Variants in L3MBTL4 observed in about 807,000 individuals in gnomAD.
L3MBTL4 encodes lethal(3)malignant brain tumor-like protein 4.
A neutral mutation model predicts 84.5 loss-of-function variants in L3MBTL4; 70 were observed. The ratio of observed to expected loss-of-function variants is 0.83; its 90% CI spans 0.68 to 1.01. The LOEUF (loss-of-function observed/expected upper bound fraction) is 1.01. L3MBTL4 is among the 50% of genes least tolerant of loss of function. The pLI is 0.00. For synonymous variants in L3MBTL4, 274 were observed against 259.8 expected, an observed-to-expected ratio of 1.05 and a Z score of -0.52; for missense variants, 715 against 754.8, an observed-to-expected ratio of 0.95 and a Z score of 0.62.
chr18:6,042,689 C>G (rs1044104387), intron 16 of L3MBTL4, among the ~76,000 whole-genome samples: 1 of 152,310 alleles, frequency 6.6e-6, no homozygotes, highest in South Asian at 2.1e-4. Context: ...CCAGTCAAAC[C>G]CTTCTTCCTT....
At chr18:6,255,630 G>A (rs995451984) in intron 5 of L3MBTL4, among the ~76,000 whole-genome samples, 2 of 152,070 alleles carry the variant, frequency 1.3e-5, no homozygotes, top group Admixed American at 6.6e-5. Context: ...CTTTCGTCTC[G>A]ATATGCCTTG....
chr18:6,118,724 T>C (rs913104269), intron 14 of L3MBTL4, among the ~76,000 whole-genome samples: 1 of 152,220 alleles, frequency 6.6e-6, no homozygotes, highest in Admixed American at 6.5e-5. Context: ...CTAGCTCTTC[T>C]ACTCAGAAGA....
intron 1 of L3MBTL4, chr18:6,394,763 C>T (rs2055202306): frequency 1.3e-5 from 2 of 151,504 alleles, no homozygotes. Context: ...AAAAATCAAC[C>T]CCTAAAAAAG....
chr18:6,341,918 A>C (rs982892426), intron 1 of L3MBTL4, among the ~76,000 whole-genome samples: 2 of 152,162 alleles, frequency 1.3e-5, no homozygotes, highest in African/African-American at 4.8e-5. Context: ...CATATAAGGG[A>C]AACACCATAA....
intron 16 of L3MBTL4, among the ~76,000 whole-genome samples, chr18:6,066,054 T>C (rs1183799777): frequency 2.0e-5 from 3 of 152,096 alleles, no homozygotes; most frequent in Non-Finnish European, 4.4e-5. Flanking sequence ...ATAAGTTCTG[T>C]CATTATTATC....
At chr18:6,053,516 C>G (rs1031467852) in intron 16 of L3MBTL4, among the ~76,000 whole-genome samples, 3 of 152,166 alleles carry the variant, frequency 2.0e-5, no homozygotes. Flanking sequence ...CAAAGGCCAT[C>G]GCAACCTTGC....
At chr18:6,078,069 C>A (rs773336997) in intron 16 of L3MBTL4, among the ~76,000 whole-genome samples, 25 of 149,348 alleles carry the variant, frequency 1.7e-4, no homozygotes, top group Non-Finnish European at 1.5e-5. Context: ...ATAAAAGACT[C>A]CTGATGAATG....
chr18:6,263,443 C>T (rs1327717317), intron 5 of L3MBTL4, among the ~76,000 whole-genome samples: 1 of 152,150 alleles, frequency 6.6e-6, no homozygotes, highest in Non-Finnish European at 1.5e-5. Context: ...GAAGTCTACA[C>T]CAGCTGCTCT....
At chr18:6,295,338 CTCTCTCTCTATATATA>C (rs1425106280) in intron 4 of L3MBTL4, among the ~76,000 whole-genome samples, 1 of 126,526 alleles carries the variant, frequency 7.9e-6, no homozygotes, top group Non-Finnish European at 1.6e-5. Context: ...CTCTCTCTCT[CTCTCTCTCTATATATA>C]TATATATATA....
intron 16 of L3MBTL4, among the ~76,000 whole-genome samples, chr18:6,027,673 T>C (rs2055575160): frequency 2.0e-5 from 3 of 152,224 alleles, no homozygotes; most frequent in Admixed American, 2.0e-4. Flanking sequence ...AACATTCCTA[T>C]TTCTCCACAG....
intron 4 of L3MBTL4, among the ~76,000 whole-genome samples, chr18:6,290,101 T>C (rs1329549404): frequency 6.6e-6 from 1 of 152,072 alleles, no homozygotes; most frequent in Non-Finnish European, 1.5e-5. Flanking sequence ...TGTTTATTTC[T>C]TGTAGAGACA....
At chr18:6,335,725 A>G (rs889176666) in intron 1 of L3MBTL4, among the ~76,000 whole-genome samples, 1 of 152,104 alleles carries the variant, frequency 6.6e-6, no homozygotes, top group Non-Finnish European at 1.5e-5. Flanking sequence ...TTCTCACAAG[A>G]TCTGATGGTT....
At chr18:6,373,874 T>G (rs908079171) in intron 1 of L3MBTL4, among the ~76,000 whole-genome samples, 1 of 152,144 alleles carries the variant, frequency 6.6e-6, no homozygotes, top group Non-Finnish European at 1.5e-5. Flanking sequence ...AAGGAAAAAC[T>G]GTGTTATTTT....
chr18:6,179,420 C>G (rs1159042628), intron 12 of L3MBTL4, among the ~76,000 whole-genome samples: 3 of 152,176 alleles, frequency 2.0e-5, no homozygotes. Flanking sequence ...TTGCTCATAA[C>G]TATTGGTGCT....
chr18:6,319,673 G>A (rs757468804), intron 1 of L3MBTL4, among the ~76,000 whole-genome samples: 1 of 152,018 alleles, frequency 6.6e-6, no homozygotes, highest in Non-Finnish European at 1.5e-5. Flanking sequence ...AGAGCAAGAT[G>A]AATTCACAGC....
chr18:6,027,194 C>T lies in L3MBTL4; in HGVS notation c.1444+53687G>A, dbSNP rs149780896. Among the ~76,000 whole-genome samples, 486 of 152,244 alleles carry T rather than the reference C, an allele frequency of 3.2e-3. 3 individuals are homozygous for T. Among genetic ancestry groups the T allele is most frequent in the African/African-American group, 0.011 (464 of 41,536 alleles). ...AATGCTCTCCCTCCCTTGACCCCAC[C>T]CCCGCAACAGGTGCTACTGTATGAT... On this transcript the variant is annotated intron_variant, in intron 16 of 18. Transcript: ENST00000317931.
chr18:6,026,827 G>A (rs1490352452), intron 16 of L3MBTL4, among the ~76,000 whole-genome samples: 7 of 152,054 alleles, frequency 4.6e-5, no homozygotes, highest in Admixed American at 6.6e-5. Flanking sequence ...TAAGTAGAGA[G>A]GTTAAATGGC....
intron 12 of L3MBTL4, among the ~76,000 whole-genome samples, chr18:6,209,474 A>C (rs2046012227): frequency 6.6e-6 from 1 of 151,678 alleles, no homozygotes; most frequent in Non-Finnish European, 1.5e-5. Flanking sequence ...AAAACAAAAC[A>C]AAACAAAAAC....
chr18:5,956,420 G>A lies in L3MBTL4; in HGVS notation c.1678-33C>T, dbSNP rs1305461788. On this transcript the variant is annotated intron_variant, in intron 18 of 18. Transcript: ENST00000317931. ...TACATAAATAGACACAAATAAAAATGTTTTGCCACGGAAGCCTGTTTACTC... is the reference window on the plus strand; with the variant it reads ...TACATAAATAGACACAAATAAAAATATTTTGCCACGGAAGCCTGTTTACTC... 2.5e-6 allele frequency: 4 copies of A among 1,605,450 alleles called. No individual in the cohort carries two copies. The African/African-American group carries it at 4.0e-5, about 16-fold the overall frequency.
Sources: allele counts gnomAD v4.1 joint callset (sites outside exome capture counted in the v4.1 genomes callset), GRCh38; gene constraint gnomAD v4.1.1; transcripts MANE v1.5; gene names NCBI Gene and HGNC (gene_info 2026-07-23, HGNC 2026-07-21).